Variants in EPB41 observed in about 807,000 individuals in gnomAD.
EPB41 encodes the protein protein 4.1.
Under a neutral mutation model 108.0 loss-of-function variants are expected in EPB41, and 65 were observed. That is an observed-to-expected ratio of 0.60 (90% confidence interval 0.49 to 0.74). The LOEUF (loss-of-function observed/expected upper bound fraction) is 0.74. Ranked by LOEUF, EPB41 falls within the 30% of genes least tolerant of loss-of-function variation. The pLI is 0.00. For synonymous variants in EPB41, 336 were observed against 358.9 expected (o/e 0.94, Z 0.72); for missense variants, 875 against 1,037.0 (o/e 0.84, Z 2.15).
intron 1 of EPB41, among the ~76,000 whole-genome samples, chr1:28,923,362 T>C (rs2093254687): frequency 6.6e-6 from 1 of 152,140 alleles, no homozygotes; most frequent in African/African-American, 2.4e-5. Context: ...CCCAAAGTGC[T>C]GGGATTAGAG....
At chr1:29,046,476 G>T (rs1211924670) in intron 11 of EPB41, among the ~76,000 whole-genome samples, 3 of 152,066 alleles carry the variant, frequency 2.0e-5, no homozygotes, top group African/African-American at 7.2e-5. Context: ...ATTATTTGGG[G>T]TATACATTAT....
chr1:28,947,979 G>GT (rs965754147), intron 1 of EPB41, among the ~76,000 whole-genome samples: 51 of 147,392 alleles, frequency 3.5e-4, no homozygotes, highest in East Asian at 1.2e-3. Context: ...TGAAATGGGT[G>GT]TTTTTTTTTT....
chr1:28,968,838 A>C (rs1156611496), intron 1 of EPB41, among the ~76,000 whole-genome samples: 1 of 151,712 alleles, frequency 6.6e-6, no homozygotes, highest in Non-Finnish European at 1.5e-5. Flanking sequence ...GGTGGTGCGC[A>C]CCTGTAATGC....
At chr1:29,098,280 T>C (rs1158848953) in intron 17 of EPB41, among the ~76,000 whole-genome samples, 1 of 151,500 alleles carries the variant, frequency 6.6e-6, no homozygotes, top group Non-Finnish European at 1.5e-5. Flanking sequence ...CTGCAAGCTC[T>C]GCCTCCCGGG....
rs1647108771 is a variant in EPB41 at position 29,065,078 on chromosome 1, A to G, written c.2104A>G (p.Ser702Gly). 2 of 1,614,112 alleles carry G rather than the reference A, an allele frequency of 1.2e-6. No homozygotes were observed. The highest frequency in any genetic ancestry group is 1.7e-5 in the Admixed American group (1 of 60,010). The change falls in exon 16 of 21, where the codon AGT becomes GGT. Residue 702 changes from serine to glycine, a missense_variant. Ser to Gly is a moderately conservative substitution (Grantham distance 56). Coordinates refer to ENST00000343067, the MANE Select transcript of EPB41 (RefSeq NM_001376013.1). ...FMESVPEPRP[S>G]EWDKRLSTHS... ...GGAGTCTGTACCAGAACCACGGCCT[A>G]GTGAATGGGATAAACGCTTATCCAC...
intron 1 of EPB41, among the ~76,000 whole-genome samples, chr1:28,936,061 G>T: frequency 6.6e-6 from 1 of 152,052 alleles, no homozygotes; most frequent in South Asian, 2.1e-4. Context: ...TCTAACCTTG[G>T]CATGATTTAT....
At position 29,097,531 on chromosome 1, in the gene EPB41, T is replaced by A. The variant is rs186634731; in HGVS notation, c.2185-276T>A. 1.1e-3 allele frequency: 506 copies of A among 470,910 alleles called. 7 individuals are homozygous for A. Among genetic ancestry groups the A allele is most frequent in the African/African-American group, 9.2e-3 (467 of 51,018 alleles). The allele number at this position is 470,910 out of a possible 1,614,324, so 29.2% of individuals were successfully genotyped here. On this transcript the variant is annotated intron_variant, in intron 16 of 20. Transcript: ENST00000343067. ...ATTCTGAAGGTCAGTCTGAAGTGTT[T>A]TATATCACCAATCATAACTGTCTGC... is the stretch of plus-strand genomic sequence containing the variant.
intron 4 of EPB41, among the ~76,000 whole-genome samples, chr1:29,004,317 A>G (rs2096359644): frequency 1.3e-5 from 2 of 152,206 alleles, no homozygotes; most frequent in Non-Finnish European, 1.5e-5. Context: ...AATGGTATAT[A>G]GTCATTGTCT....
chr1:29,063,881 T>G (rs1646928496), intron 15 of EPB41, among the ~76,000 whole-genome samples: 1 of 152,228 alleles, frequency 6.6e-6, no homozygotes, highest in Admixed American at 6.5e-5. Context: ...TTTACCATAC[T>G]ATTTTTGGCC....
chr1:29,011,741 C>T, intron 4 of EPB41, 124 bp from the exon 5 acceptor site: 1 of 1,045,540 alleles, frequency 9.6e-7, no homozygotes, highest in Non-Finnish European at 1.4e-6. Context: ...AATGCAAAGA[C>T]TATCAAAGGA....
chr1:28,984,860 T>C (rs2095838982), intron 1 of EPB41, among the ~76,000 whole-genome samples: 1 of 152,228 alleles, frequency 6.6e-6, no homozygotes, highest in Admixed American at 6.5e-5. Context: ...TGTTTTGCTA[T>C]GTTGCCCAAG....
At chr1:29,051,683 G>A (rs999314594) in intron 11 of EPB41, among the ~76,000 whole-genome samples, 61 of 152,010 alleles carry the variant, frequency 4.0e-4, no homozygotes, top group African/African-American at 1.4e-3. Flanking sequence ...GATCACTTGA[G>A]GTCAGGAGTT....
chr1:28,943,661 A>G (rs1416817637), intron 1 of EPB41, among the ~76,000 whole-genome samples: 3 of 152,080 alleles, frequency 2.0e-5, no homozygotes, highest in Non-Finnish European at 2.9e-5. Flanking sequence ...GAAAAAAAAA[A>G]ACAAAACAAA....
Position 29,119,557 on chromosome 1 carries a change from G to A in EPB41, c.*2745G>A, listed in dbSNP as rs1671537277. 1 of 152,364 alleles carries A rather than the reference G, an allele frequency of 6.6e-6. No homozygotes were observed. Among genetic ancestry groups the A allele is most frequent in the East Asian group, 1.9e-4 (1 of 5,186 alleles). The allele number at this position is 152,364 out of a possible 1,614,324, so 9.4% of individuals were successfully genotyped here. On this transcript the variant is annotated 3_prime_UTR_variant, in exon 21 of 21. Transcript: ENST00000343067. ...CGAGGGCTCAGGGAGCCTAACTGCG[G>A]GACCCGTCAGGGCCCCGTGACCCAT...
At chr1:28,945,031 C>T (rs1244865257) in intron 1 of EPB41, among the ~76,000 whole-genome samples, 1 of 148,212 alleles carries the variant, frequency 6.7e-6, no homozygotes, top group Non-Finnish European at 1.5e-5. Flanking sequence ...GCGGAGGTTG[C>T]AGTGAGATCG....
At chr1:29,084,026 G>A (rs555725182) in intron 16 of EPB41, among the ~76,000 whole-genome samples, 2 of 3,528 alleles carry the variant, frequency 5.7e-4, no homozygotes, top group Non-Finnish European at 0.013. Context: ...CTTCTGCTGG[G>A]TATCTTCTTC....
intron 1 of EPB41, among the ~76,000 whole-genome samples, chr1:28,921,977 T>TA (rs2093129828): frequency 7.4e-6 from 1 of 135,876 alleles, no homozygotes; most frequent in Non-Finnish European, 1.6e-5. Flanking sequence ...TTTTTTTTGT[T>TA]TTTTTTTTTT....
chr1:28,896,508 C>T (rs570150291), intron 1 of EPB41, among the ~76,000 whole-genome samples: 11 of 152,216 alleles, frequency 7.2e-5, no homozygotes, highest in Non-Finnish European at 1.2e-4. Context: ...CCTTCCCCAC[C>T]GGGAGCTCGG....
intron 1 of EPB41, among the ~76,000 whole-genome samples, chr1:28,918,242 G>A (rs1570538966): frequency 6.6e-6 from 1 of 151,672 alleles, no homozygotes. Flanking sequence ...TAGTAGAGAC[G>A]AGGTTTCACC....
Sources: gnomAD v4.1 joint callset for allele counts (sites outside exome capture counted in the v4.1 genomes callset) on GRCh38, gnomAD v4.1.1 for gene constraint, MANE v1.5 for transcripts, NCBI Gene and HGNC (gene_info 2026-07-23, HGNC 2026-07-21) for gene names.